The following RAD51B variants were observed in gnomAD, a reference collection of about 807,000 sequenced individuals.
The protein encoded by RAD51B is DNA repair protein RAD51 homolog 2.
RAD51B carries 38 observed loss-of-function variants against 42.2 expected under a neutral mutation model. That is an observed-to-expected ratio of 0.90 (90% CI 0.70 to 1.18). The LOEUF (loss-of-function observed/expected upper bound fraction) is 1.18. Among genes scored for constraint, RAD51B ranks in the 50% most tolerant of loss-of-function variants. RAD51B has a pLI of 0.00. For synonymous variants in RAD51B, 154 were observed against 145.2 expected, an observed-to-expected ratio of 1.06 and a Z score of -0.43; for missense variants, 373 against 400.7, an observed-to-expected ratio of 0.93 and a Z score of 0.59.
chr14:68,608,033 G>A (rs1891523058), intron 10 of RAD51B, among the ~76,000 whole-genome samples: 2 of 152,248 alleles, frequency 1.3e-5, no homozygotes, highest in Admixed American at 6.5e-5. Flanking sequence ...TGAGGCCAAA[G>A]GTTCTGAGAG....
intron 8 of RAD51B, among the ~76,000 whole-genome samples, chr14:68,355,021 G>T (rs1252834307): frequency 1.3e-5 from 2 of 152,166 alleles, no homozygotes; most frequent in Non-Finnish European, 2.9e-5. Flanking sequence ...AAGAACTCTA[G>T]TGAGTAAGCT....
At chr14:67,829,574 T>G (rs1566911627) in intron 3 of RAD51B, among the ~76,000 whole-genome samples, 1 of 151,958 alleles carries the variant, frequency 6.6e-6, no homozygotes, top group East Asian at 1.9e-4. Context: ...CAATTGTGAA[T>G]GGAGTTCATT....
At chr14:68,592,391 A>G (rs1422661035) in intron 10 of RAD51B, among the ~76,000 whole-genome samples, 2 of 152,124 alleles carry the variant, frequency 1.3e-5, no homozygotes, top group East Asian at 3.8e-4. Context: ...CAATCATAAT[A>G]CTAATAATTT....
intron 8 of RAD51B, among the ~76,000 whole-genome samples, chr14:68,343,699 G>A (rs2082615850): frequency 6.6e-6 from 1 of 152,246 alleles, no homozygotes; most frequent in South Asian, 2.1e-4. Context: ...GCATATCAGA[G>A]ATCTTGGAGA....
intron 7 of RAD51B, among the ~76,000 whole-genome samples, chr14:68,056,950 A>G (rs2076486021): frequency 6.6e-6 from 1 of 151,528 alleles, no homozygotes; most frequent in Non-Finnish European, 1.5e-5. Flanking sequence ...TTAGCCCACC[A>G]TGGTAGCAGA....
chr14:68,064,734 C>G (rs2076622505), intron 7 of RAD51B, among the ~76,000 whole-genome samples: 1 of 151,416 alleles, frequency 6.6e-6, no homozygotes, highest in African/African-American at 2.4e-5. Context: ...ATTCTTTTTT[C>G]TGCTTTATCT....
At chr14:68,313,362 A>G (rs1417107898) in intron 8 of RAD51B, among the ~76,000 whole-genome samples, 3 of 152,170 alleles carry the variant, frequency 2.0e-5, no homozygotes, top group Non-Finnish European at 2.9e-5. Context: ...TTAAATCTGA[A>G]GTTCCTCTTG....
rs1003855136 is a variant in RAD51B at position 68,103,605 on chromosome 14, C to A, written c.757-188279C>A. ...TTATGTCTGCACCCATTTCTCATTT[C>A]TTTTTCCTAGTGTGCAAAGTTAATT... On this transcript the variant is annotated intron_variant, in intron 7 of 10. Coordinates refer to ENST00000471583, the MANE Select transcript of RAD51B (RefSeq NM_133510.4). Among the ~76,000 whole-genome samples the A allele has an allele frequency of 2.6e-5, 4 of 152,252 alleles. No individual in the cohort carries two copies. The South Asian group carries it at 6.2e-4, about 24-fold the overall frequency.
chr14:67,832,492 A>G (rs1244282178), intron 3 of RAD51B, among the ~76,000 whole-genome samples: 1 of 151,820 alleles, frequency 6.6e-6, no homozygotes, highest in African/African-American at 2.4e-5. Flanking sequence ...TGCTTTAGGT[A>G]TGTTATGTTC....
chr14:68,230,397 C>T (rs1328336609), intron 7 of RAD51B, among the ~76,000 whole-genome samples: 1 of 152,188 alleles, frequency 6.6e-6, no homozygotes, highest in Non-Finnish European at 1.5e-5. Context: ...TCACTCCAGA[C>T]ATTTTCTGTT....
At chr14:67,873,419 A>G (rs1168036610) in intron 5 of RAD51B, among the ~76,000 whole-genome samples, 1 of 151,730 alleles carries the variant, frequency 6.6e-6, no homozygotes, top group Non-Finnish European at 1.5e-5. Flanking sequence ...AATGGCAATC[A>G]TTAAAAAGTC....
At chr14:67,979,650 C>T (rs2075055529) in intron 7 of RAD51B, among the ~76,000 whole-genome samples, 2 of 152,062 alleles carry the variant, frequency 1.3e-5, no homozygotes, top group Admixed American at 1.3e-4. Context: ...CCATCTGGCC[C>T]CATTTTTCAA....
intron 7 of RAD51B, among the ~76,000 whole-genome samples, chr14:67,952,210 T>G (rs1314485616): frequency 7.4e-6 from 1 of 134,432 alleles, no homozygotes; most frequent in Non-Finnish European, 1.5e-5. Flanking sequence ...CTGGCTTCAT[T>G]TATAGAAAAA....
intron 7 of RAD51B, among the ~76,000 whole-genome samples, chr14:67,920,971 G>A (rs895406297): frequency 6.6e-6 from 1 of 152,164 alleles, no homozygotes; most frequent in African/African-American, 2.4e-5. Context: ...TTTGTATTTG[G>A]TTGTAGCATA....
At chr14:68,191,915 A>G (rs1595532377) in intron 7 of RAD51B, among the ~76,000 whole-genome samples, 1 of 152,222 alleles carries the variant, frequency 6.6e-6, no homozygotes. Flanking sequence ...ATGTTTGGAC[A>G]TCATTCAAGG....
Position 68,491,833 on chromosome 14 carries a change from A to G in RAD51B, c.1036+23583A>G, listed in dbSNP as rs150214580. On this transcript the variant is annotated intron_variant, in intron 10 of 10. Transcript: ENST00000487270. Reference sequence around the variant, plus strand: ...TGGAAGGCCTAAGCCTGAGTCTATGACCTCCTCTCCAGTTTTAAGACATAA... The same window carrying G: ...TGGAAGGCCTAAGCCTGAGTCTATGGCCTCCTCTCCAGTTTTAAGACATAA... Among the ~76,000 whole-genome samples, 875 of 152,198 alleles carry G rather than the reference A, an allele frequency of 5.7e-3. 13 individuals are homozygous for G. The highest frequency in any genetic ancestry group is 0.02 in the African/African-American group (831 of 41,504).
chr14:68,219,316 T>C (rs1331935363), intron 7 of RAD51B, among the ~76,000 whole-genome samples: 2 of 152,234 alleles, frequency 1.3e-5, no homozygotes, highest in African/African-American at 4.8e-5. Context: ...TTTTATCCCA[T>C]TCAATTGCAT....
chr14:68,514,777 C>T (rs1449407467), intron 10 of RAD51B, among the ~76,000 whole-genome samples: 1 of 152,214 alleles, frequency 6.6e-6, no homozygotes, highest in Admixed American at 6.5e-5. Flanking sequence ...CTGCTTAATG[C>T]ATTTCAGGGG....
intron 9 of RAD51B, among the ~76,000 whole-genome samples, chr14:68,460,332 A>T (rs1475552678): frequency 6.6e-6 from 1 of 152,176 alleles, no homozygotes; most frequent in African/African-American, 2.4e-5. Flanking sequence ...AGGTGCCTGT[A>T]ATCCCAGCTA....
Sources: allele counts gnomAD v4.1 joint callset (sites outside exome capture counted in the v4.1 genomes callset), GRCh38; gene constraint gnomAD v4.1.1; transcripts MANE v1.5; gene names NCBI Gene and HGNC (gene_info 2026-07-23, HGNC 2026-07-21).